Variants in ADGRG6 observed in about 807,000 individuals in gnomAD.
The protein encoded by ADGRG6 is adhesion G protein-coupled receptor G6.
A neutral mutation model predicts 142.4 loss-of-function variants in ADGRG6; 84 were observed. That is an observed-to-expected ratio of 0.59 (90% CI 0.49 to 0.71). The LOEUF (loss-of-function observed/expected upper bound fraction) is 0.71. ADGRG6 is among the 30% of genes least tolerant of loss of function. The pLI is 0.00. For synonymous variants in ADGRG6, 521 were observed against 520.5 expected, an observed-to-expected ratio of 1.00 and a Z score of -0.01; for missense variants, 1,367 against 1,466.6, an observed-to-expected ratio of 0.93 and a Z score of 1.11.
chr6:142,415,256 A>T (rs1483659848), intron 19 of ADGRG6, among the ~76,000 whole-genome samples, 160 bp downstream of exon 19: 1 of 152,178 alleles, frequency 6.6e-6, no homozygotes, highest in Non-Finnish European at 1.5e-5. Flanking sequence ...TTTTCCAGCT[A>T]TAGAATTTTA....
intron 2 of ADGRG6, among the ~76,000 whole-genome samples, chr6:142,352,542 G>C (rs938929680): frequency 6.6e-6 from 1 of 152,024 alleles, no homozygotes; most frequent in Non-Finnish European, 1.5e-5. Flanking sequence ...GTGACGATTT[G>C]TACCCCAAGC....
intron 2 of ADGRG6, among the ~76,000 whole-genome samples, chr6:142,328,625 A>T (rs555628325): frequency 1.3e-5 from 2 of 152,318 alleles, no homozygotes; most frequent in South Asian, 4.1e-4. Flanking sequence ...TTTCAATTAT[A>T]AGTATTGCCA....
chr6:142,346,117 C>T (rs181597672), intron 2 of ADGRG6, among the ~76,000 whole-genome samples: 1 of 152,190 alleles, frequency 6.6e-6, no homozygotes, highest in Admixed American at 6.5e-5. Flanking sequence ...TCCTGAGACA[C>T]CTTACTAAAG....
At chr6:142,318,025 TTATA>T (rs1219860219) in intron 2 of ADGRG6, among the ~76,000 whole-genome samples, 2 of 53,378 alleles carry the variant, frequency 3.7e-5, no homozygotes, top group Non-Finnish European at 6.0e-5. Context: ...GTTATATATA[TTATA>T]TATAATATAT....
chr6:142,363,829 C>A (rs1780826473), intron 2 of ADGRG6, among the ~76,000 whole-genome samples: 3 of 152,082 alleles, frequency 2.0e-5, no homozygotes, highest in Admixed American at 1.3e-4. Context: ...AAATTCAAAG[C>A]ACTATATTTC....
intron 16 of ADGRG6, 64 bp from the exon 17 acceptor site, chr6:142,409,810 T>A (rs1197050100): frequency 1.4e-6 from 1 of 712,538 alleles, no homozygotes; most frequent in Non-Finnish European, 2.4e-6. Flanking sequence ...TTTTATTCTT[T>A]TGCCATATTT....
chr6:142,400,418 G>T, intron 10 of ADGRG6, 67 bp from the exon 11 acceptor site: 1 of 755,472 alleles, frequency 1.3e-6, no homozygotes, highest in African/African-American at 1.7e-5. Context: ...CTTTCATCCT[G>T]CATCTCTAAT....
chr6:142,302,326 C>T lies in ADGRG6; in HGVS notation c.-4C>T. On this transcript the variant is annotated 5_prime_UTR_variant, in exon 1 of 25. Coordinates refer to ENST00000367609, the MANE Select transcript of ADGRG6 (RefSeq NM_198569.3). ...AAAGGGGACCTCGGCGCAGTAATGT[C>T]AACATGTAAGTCTCACCTTTCAGCT... is the stretch of plus-strand genomic sequence containing the variant. 1.2e-6 allele frequency: 2 copies of T among 1,612,884 alleles called. No homozygotes were observed. The highest frequency in any genetic ancestry group is 1.7e-5 in the Admixed American group (1 of 59,906).
At chr6:142,390,523 A>G (rs1774838080) in intron 7 of ADGRG6, among the ~76,000 whole-genome samples, 180 bp downstream of exon 7, 1 of 151,856 alleles carries the variant, frequency 6.6e-6, no homozygotes, top group African/African-American at 2.4e-5. Flanking sequence ...GTACATTTGA[A>G]TAAAGGATAA....
chr6:142,418,910 C>T (rs1776513394), intron 21 of ADGRG6, among the ~76,000 whole-genome samples: 1 of 152,116 alleles, frequency 6.6e-6, no homozygotes, highest in South Asian at 2.1e-4. Flanking sequence ...TATTTGACAA[C>T]TTTGCATATA....
At chr6:142,428,408 A>G (rs1777055576) in intron 22 of ADGRG6, among the ~76,000 whole-genome samples, 1 of 152,174 alleles carries the variant, frequency 6.6e-6, no homozygotes, top group Admixed American at 6.5e-5. Flanking sequence ...CATGAATTGA[A>G]TCAAGGCTGA....
chr6:142,323,867 G>T (rs1246482614), intron 2 of ADGRG6, among the ~76,000 whole-genome samples: 1 of 152,088 alleles, frequency 6.6e-6, no homozygotes, highest in Non-Finnish European at 1.5e-5. Context: ...TTGTTATGGG[G>T]TGCATGGCTG....
chr6:142,402,106 T>A, intron 12 of ADGRG6, 48 bp downstream of exon 12: 1 of 822,192 alleles, frequency 1.2e-6, no homozygotes, highest in African/African-American at 1.7e-5. Flanking sequence ...ATGACATGAC[T>A]TCATGCTTCA....
At position 142,378,575 on chromosome 6, in the gene ADGRG6, C is replaced by G. The variant is rs142441772; in HGVS notation, c.1070-3376C>G. On this transcript the variant is annotated intron_variant, in intron 4 of 24. Transcript: ENST00000367609. ...AAGACAAAATTCCACCTCAGTCCTG[C>G]CTTAACTTCTGCCTCTTCAAATGTT... 2.4e-3 allele frequency among the ~76,000 whole-genome samples: 372 copies of G among 152,286 alleles called. 3 individuals are homozygous for G. The highest frequency in any genetic ancestry group is 8.6e-3 in the African/African-American group (359 of 41,556).
chr6:142,382,158 T>C (rs1045211806), intron 5 of ADGRG6, 139 bp downstream of exon 5: 47 of 622,650 alleles, frequency 7.5e-5, no homozygotes, highest in Non-Finnish European at 1.4e-4. Flanking sequence ...AATTTCTGCA[T>C]GTGTTTTAGT....
chr6:142,313,338 T>A (rs1262990167), intron 2 of ADGRG6, among the ~76,000 whole-genome samples: 1 of 151,992 alleles, frequency 6.6e-6, no homozygotes, highest in Non-Finnish European at 1.5e-5. Flanking sequence ...TAACACTCCA[T>A]GACTCTGAAG....
At chr6:142,317,089 T>A (rs1453517255) in intron 2 of ADGRG6, among the ~76,000 whole-genome samples, 4 of 152,134 alleles carry the variant, frequency 2.6e-5, no homozygotes, top group Admixed American at 1.3e-4. Context: ...TTGTGGTTTT[T>A]CTCTCAGAGC....
Position 142,383,836 on chromosome 6 carries a change from A to G in ADGRG6, c.1215A>G (p.Gln405=). The change falls in exon 6 of 25, where the codon CAA becomes CAG. Residue 405 remains glutamine, a synonymous_variant. Coordinates refer to ENST00000367609, the MANE Select transcript of ADGRG6 (RefSeq NM_198569.3). ...CTGTTACTAACAGAATCGATAAACA[A>G]AGGAATGGTAAGAAATCATTACCTT... The part of the protein sequence containing the change: ...NMPVTNRIDK[Q]RNDGIIYRIS... 1 of 1,486,500 alleles carries G rather than the reference A, an allele frequency of 6.7e-7. No homozygotes were observed. The highest frequency in any genetic ancestry group is 9.4e-7 in the Non-Finnish European group (1 of 1,064,888). The allele number at this position is 1,486,500 out of a possible 1,614,324, so 92.1% of individuals were successfully genotyped here. A position where few individuals can be genotyped will look rare whatever the true frequency, so the allele number is the denominator to read the frequency against.
intron 24 of ADGRG6, chr6:142,440,758 A>T: frequency 1.8e-6 from 1 of 556,968 alleles, no homozygotes; most frequent in Non-Finnish European, 3.2e-6. Flanking sequence ...CTGACTTCAC[A>T]TAGGCTTTGG....
Sources: gnomAD v4.1 joint callset for allele counts (sites outside exome capture counted in the v4.1 genomes callset) on GRCh38, gnomAD v4.1.1 for gene constraint, MANE v1.5 for transcripts, NCBI Gene and HGNC (gene_info 2026-07-23, HGNC 2026-07-21) for gene names.